AGMO: variants seen among roughly 807,000 people sequenced by gnomAD.
The protein encoded by AGMO is glyceryl-ether monooxygenase.
In AGMO, 75 loss-of-function variants were observed where a neutral mutation model predicts 60.2. The ratio of observed to expected loss-of-function variants is 1.25; its 90% CI spans 1.03 to 1.51. AGMO has a LOEUF of 1.51. Among genes scored for constraint, AGMO ranks in the 40% most tolerant of loss-of-function variants. The pLI, the probability that AGMO is intolerant of heterozygous loss-of-function variation, is 0.00. For missense variants in AGMO, 763 were observed against 525.5 expected (o/e 1.45, Z -4.42); for synonymous variants, 261 against 177.1 (o/e 1.47, Z -3.76).
At chr7:15,163,382 C>A in the AGMO span, among the ~76,000 whole-genome samples, 1 of 152,072 alleles carries the variant, frequency 6.6e-6, no homozygotes, top group Non-Finnish European at 1.5e-5. Context: ...TGAGAGTGGA[C>A]ATCTTTGTCT....
chr7:15,285,312 T>G (rs919112317), intron 12 of AGMO, among the ~76,000 whole-genome samples: 1 of 152,042 alleles, frequency 6.6e-6, no homozygotes, highest in African/African-American at 2.4e-5. Flanking sequence ...ATAATATGAT[T>G]GTATAACTAG....
the AGMO span, among the ~76,000 whole-genome samples, chr7:15,123,226 T>A: frequency 6.6e-6 from 1 of 152,096 alleles, no homozygotes. Context: ...CAACTTAAAT[T>A]CAACAGCTCA....
chr7:15,377,785 T>A (rs1163959762), intron 10 of AGMO, among the ~76,000 whole-genome samples: 3 of 151,994 alleles, frequency 2.0e-5, no homozygotes, highest in Non-Finnish European at 2.9e-5. Context: ...ACATATTAAG[T>A]TAATATATTA....
At chr7:15,237,595 T>C (rs1782463517) in intron 12 of AGMO, among the ~76,000 whole-genome samples, 1 of 151,998 alleles carries the variant, frequency 6.6e-6, no homozygotes, top group South Asian at 2.1e-4. Flanking sequence ...GCAGGGAAAC[T>C]AAAAGATATC....
chr7:15,434,184 G>A (rs922434747), intron 3 of AGMO, among the ~76,000 whole-genome samples: 4 of 152,066 alleles, frequency 2.6e-5, no homozygotes, highest in Admixed American at 1.3e-4. Context: ...TGATAATGCA[G>A]TGGGATGAAA....
intron 12 of AGMO, among the ~76,000 whole-genome samples, chr7:15,324,682 G>A (rs558027618): frequency 7.2e-4 from 110 of 152,146 alleles, no homozygotes; most frequent in African/African-American, 2.1e-3. Flanking sequence ...GGGCGGTGTC[G>A]GGGAGAAGAT....
intron 12 of AGMO, among the ~76,000 whole-genome samples, chr7:15,240,493 A>G (rs981089297): frequency 6.6e-6 from 1 of 152,162 alleles, no homozygotes; most frequent in African/African-American, 2.4e-5. Flanking sequence ...TCATACACGT[A>G]GGCTGCCAGT....
At chr7:15,206,431 T>C (rs1191177825) in intron 12 of AGMO, among the ~76,000 whole-genome samples, 3 of 152,094 alleles carry the variant, frequency 2.0e-5, no homozygotes, top group Non-Finnish European at 4.4e-5. Flanking sequence ...CTTTGAAATC[T>C]TGCATTATCT....
In AGMO at chr7:15,357,190, CGTGTGTGTGTGTGTGTGTGTGTGTGT is replaced by C. The variant is rs36124819; in HGVS notation, c.1263+8298_1263+8323del. Among the ~76,000 whole-genome samples the C allele has an allele frequency of 8.8e-4, 127 of 144,458 alleles. 1 individual carries two copies. The South Asian group carries it at 0.016, about 19-fold the overall frequency. 94.8% of individuals were successfully genotyped at this position (144,458 alleles called of 152,430 possible). ...AAAATTGCTCTATACTATGAATATT[CGTGTGTGTGTGTGTGTGTGTGTGTGT>C]GTGTGTGTGTGTTTCACCTTGAACC... is the stretch of plus-strand genomic sequence containing the variant. On this transcript the variant is annotated intron_variant, in intron 12 of 12. Coordinates refer to ENST00000342526, the MANE Select transcript of AGMO (RefSeq NM_001004320.2).
intron 12 of AGMO, among the ~76,000 whole-genome samples, chr7:15,268,640 ATAAAT>A (rs1313676961): frequency 3.9e-5 from 6 of 152,112 alleles, no homozygotes; most frequent in African/African-American, 1.2e-4. Context: ...TTCTGTGAAG[ATAAAT>A]TGAAGTGGTA....
intron 12 of AGMO, among the ~76,000 whole-genome samples, chr7:15,357,588 A>AT (rs1782587085): frequency 6.6e-6 from 1 of 152,200 alleles, no homozygotes; most frequent in Non-Finnish European, 1.5e-5. Context: ...AAATATATAG[A>AT]GTCTCTGAGC....
At chr7:15,515,034 T>C (rs78369730) in intron 3 of AGMO, among the ~76,000 whole-genome samples, 2,311 of 152,284 alleles carry the variant, frequency 0.015, 60 homozygotes, top group African/African-American at 0.052. Flanking sequence ...CTACTCACCT[T>C]TTTCTCTCAC....
chr7:15,212,395 T>A (rs904971584), intron 12 of AGMO, among the ~76,000 whole-genome samples: 1 of 152,014 alleles, frequency 6.6e-6, no homozygotes, highest in African/African-American at 2.4e-5. Context: ...TCACTCTTTT[T>A]TTATGCCAGG....
At chr7:15,355,573 T>G (rs1346950561) in intron 12 of AGMO, among the ~76,000 whole-genome samples, 1 of 151,846 alleles carries the variant, frequency 6.6e-6, no homozygotes, top group Non-Finnish European at 1.5e-5. Flanking sequence ...GCTTAATATT[T>G]TTGCATAATT....
chr7:15,531,558 AT>A (rs1353993290), intron 3 of AGMO, among the ~76,000 whole-genome samples: 2 of 91,692 alleles, frequency 2.2e-5, no homozygotes, highest in Non-Finnish European at 4.0e-5. Context: ...CTATATATAT[AT>A]TCTCTATATA....
chr7:15,345,312 T>A (rs1317252814), intron 12 of AGMO, among the ~76,000 whole-genome samples: 2 of 152,150 alleles, frequency 1.3e-5, no homozygotes, highest in South Asian at 2.1e-4. Flanking sequence ...GATTTTCAGT[T>A]CCCCAACATG....
the AGMO span, among the ~76,000 whole-genome samples, chr7:15,165,594 C>T: frequency 1.1e-4 from 17 of 152,008 alleles, no homozygotes; most frequent in Non-Finnish European, 2.2e-4. Context: ...GAAAAACAAG[C>T]TCAAGAATTT....
At chr7:15,156,592 AG>A in the AGMO span, among the ~76,000 whole-genome samples, 1 of 152,266 alleles carries the variant, frequency 6.6e-6, no homozygotes, top group Non-Finnish European at 1.5e-5. Context: ...AGGATCCTGG[AG>A]GTCAATGATG....
chr7:15,214,625 A>C (rs1182087024), intron 12 of AGMO, among the ~76,000 whole-genome samples: 1 of 152,004 alleles, frequency 6.6e-6, no homozygotes, highest in Admixed American at 6.6e-5. Flanking sequence ...AGAGCAGAGG[A>C]AAAAAATGGA....
Sources: allele counts gnomAD v4.1 joint callset (sites outside exome capture counted in the v4.1 genomes callset), GRCh38; gene constraint gnomAD v4.1.1; transcripts MANE v1.5; gene names NCBI Gene and HGNC (gene_info 2026-07-23, HGNC 2026-07-21).